Variants in TACC2 observed in about 807,000 individuals in gnomAD.
TACC2 encodes transforming acidic coiled-coil containing protein 2, also known as transforming acidic coiled-coil-containing protein 2.
TACC2 carries 137 observed loss-of-function variants against 227.3 expected under a neutral mutation model. The observed-to-expected ratio is 0.60, with a 90% CI of 0.52 to 0.69. TACC2 has a LOEUF of 0.69. Ranked by LOEUF, TACC2 falls within the 30% of genes least tolerant of loss-of-function variation. The probability of loss-of-function intolerance (pLI) is 0.00; values close to 1 mark genes in which losing one functional copy is unlikely to be tolerated. For synonymous variants in TACC2, 1,523 were observed against 1,487.5 expected, an observed-to-expected ratio of 1.02 and a Z score of -0.55; for missense variants, 3,470 against 3,694.4, an observed-to-expected ratio of 0.94 and a Z score of 1.57.
chr10:122,033,543 G>A (rs923024010), intron 2 of TACC2, among the ~76,000 whole-genome samples: 3 of 152,110 alleles, frequency 2.0e-5, no homozygotes, highest in African/African-American at 7.2e-5. Context: ...TACCTTTGCC[G>A]CCTGTGAGCA....
At chr10:122,132,075 A>G (rs556117529) in intron 5 of TACC2, among the ~76,000 whole-genome samples, 15,044 of 147,280 alleles carry the variant, frequency 0.1, 1,426 homozygotes, top group African/African-American at 0.18. Flanking sequence ...AAAAAGAAAG[A>G]AAGAAAGAGA....
At chr10:122,102,508 C>T (rs2082288556) in intron 5 of TACC2, among the ~76,000 whole-genome samples, 1 of 152,220 alleles carries the variant, frequency 6.6e-6, no homozygotes, top group Non-Finnish European at 1.5e-5. Flanking sequence ...TATTTTTCAC[C>T]TTTGCCCTGA....
At chr10:122,189,895 C>A (rs978876727) in intron 7 of TACC2, among the ~76,000 whole-genome samples, 1 of 152,180 alleles carries the variant, frequency 6.6e-6, no homozygotes, top group African/African-American at 2.4e-5. Flanking sequence ...CACTTTAGCT[C>A]TCTGGGCTTT....
At chr10:122,124,087 T>C (rs942914118) in intron 5 of TACC2, among the ~76,000 whole-genome samples, 2 of 152,114 alleles carry the variant, frequency 1.3e-5, no homozygotes, top group African/African-American at 4.8e-5. Context: ...GCTGCGATTA[T>C]AGTCATGAGC....
chr10:122,000,690 G>A (rs1954193311), intron 1 of TACC2, among the ~76,000 whole-genome samples: 1 of 152,030 alleles, frequency 6.6e-6, no homozygotes, highest in South Asian at 2.1e-4. Context: ...CCCATTACTG[G>A]TTTCTACAAT....
chr10:122,175,787 C>T (rs961434915), intron 7 of TACC2, among the ~76,000 whole-genome samples: 9 of 152,252 alleles, frequency 5.9e-5, no homozygotes, highest in African/African-American at 1.4e-4. Context: ...GAAAATGGGC[C>T]GGGTACAATA....
intron 6 of TACC2, among the ~76,000 whole-genome samples, chr10:122,135,256 G>A (rs1455269348): frequency 1.3e-5 from 2 of 152,162 alleles, no homozygotes; most frequent in Non-Finnish European, 2.9e-5. Context: ...GTGTCCTGGG[G>A]CCCCGCCTGT....
intron 2 of TACC2, among the ~76,000 whole-genome samples, chr10:122,041,470 A>G (rs921768603): frequency 4.8e-5 from 7 of 146,346 alleles, no homozygotes; most frequent in Non-Finnish European, 7.5e-5. Flanking sequence ...GTAACGAGAC[A>G]GAGTCCTGCT....
intron 3 of TACC2, among the ~76,000 whole-genome samples, chr10:122,064,598 C>G (rs775216506): frequency 2.0e-5 from 3 of 152,184 alleles, no homozygotes; most frequent in Non-Finnish European, 4.4e-5. Flanking sequence ...AACCACTGGA[C>G]AACATTGAGG....
chr10:122,067,809 G>T (rs1196976205), intron 3 of TACC2, among the ~76,000 whole-genome samples: 1 of 152,096 alleles, frequency 6.6e-6, no homozygotes, highest in Non-Finnish European at 1.5e-5. Flanking sequence ...CTGAACACCG[G>T]CCCTCGCTGT....
chr10:122,249,434 G>A, intron 21 of TACC2, 110 bp from the exon 22 acceptor site: 9 of 1,444,864 alleles, frequency 6.2e-6, no homozygotes, highest in African/African-American at 1.4e-5. Context: ...GCTCCAGTTG[G>A]TGGCAGCTGG....
chr10:122,183,867 G>T (rs937051101), intron 7 of TACC2, among the ~76,000 whole-genome samples: 2 of 152,180 alleles, frequency 1.3e-5, no homozygotes, highest in South Asian at 4.1e-4. Context: ...ATGCTGAACC[G>T]CTTGGCTCCA....
chr10:122,109,329 T>C (rs534327416), intron 5 of TACC2, among the ~76,000 whole-genome samples: 1 of 152,320 alleles, frequency 6.6e-6, no homozygotes, highest in African/African-American at 2.4e-5. Flanking sequence ...AGTACATTCT[T>C]GCAGGAATGA....
chr10:122,211,107 C>T lies in TACC2; in HGVS notation c.6682C>T (p.Pro2228Ser), dbSNP rs1405097009. Reference protein sequence around the residue: ...SGGGRVQNSPPVGRKTLPLTT... With the variant: ...SGGGRVQNSPSVGRKTLPLTT... ...AGGTGGCAGAGTGCAGAACTCACCC[C>T]CTGTCGGGAGGAAAACGCTGCCTCT... is the stretch of plus-strand genomic sequence containing the variant. The change falls in exon 9 of 23, where the codon CCT (proline) becomes TCT (serine). Residue 2228 changes from proline to serine, a missense_variant. Coordinates refer to ENST00000369005, the MANE Select transcript of TACC2 (RefSeq NM_206862.4). 3.1e-6 allele frequency: 5 copies of T among 1,611,838 alleles called. No individual in the cohort carries two copies. In the East Asian group the frequency reaches 1.1e-4, roughly 36 times the overall value.
intron 16 of TACC2, among the ~76,000 whole-genome samples, 172 bp from the exon 17 acceptor site, chr10:122,237,223 A>G (rs1433063095): frequency 6.6e-6 from 1 of 152,206 alleles, no homozygotes; most frequent in Non-Finnish European, 1.5e-5. Context: ...ATCTCCATCC[A>G]TAGACTGGAC....
At chr10:122,092,466 T>C (rs1046912112) in intron 5 of TACC2, among the ~76,000 whole-genome samples, 1 of 152,220 alleles carries the variant, frequency 6.6e-6, no homozygotes, top group African/African-American at 2.4e-5. Flanking sequence ...GGATTGAATT[T>C]TGAAGATTCT....
At chr10:122,002,131 A>G (rs1954445147) in intron 1 of TACC2, among the ~76,000 whole-genome samples, 1 of 152,170 alleles carries the variant, frequency 6.6e-6, no homozygotes, top group African/African-American at 2.4e-5. Context: ...GCAGATGGCC[A>G]CCTTCTTGCT....
intron 1 of TACC2, among the ~76,000 whole-genome samples, chr10:122,015,275 T>G (rs1456549678): frequency 6.6e-6 from 1 of 151,640 alleles, no homozygotes; most frequent in Admixed American, 6.6e-5. Context: ...GAGGCCGAGG[T>G]GGGGGGATCA....
In TACC2 at chr10:122,216,800, C is replaced by T. The variant is rs774923755; in HGVS notation, c.7518C>T (p.Asn2506=). The T allele has an allele frequency of 4.3e-6, 7 of 1,613,976 alleles. No homozygotes were observed. The highest frequency in any genetic ancestry group is 1.3e-5 in the African/African-American group (1 of 74,884). Residue 2506 remains asparagine, a synonymous_variant, in exon 11 of 23, where the codon AAC becomes AAT. Coordinates refer to ENST00000369005, the MANE Select transcript of TACC2 (RefSeq NM_206862.4). ...CCTCGGACCTGTCCACCTTTGTAAA[C>T]GAGACCAAATTCAGTTCACCCACTG... The part of the protein sequence containing the change: ...PQPSDLSTFV[N]ETKFSSPTEE...
Sources: gnomAD v4.1 joint callset for allele counts (sites outside exome capture counted in the v4.1 genomes callset) on GRCh38, gnomAD v4.1.1 for gene constraint, MANE v1.5 for transcripts, NCBI Gene and HGNC (gene_info 2026-07-23, HGNC 2026-07-21) for gene names.